Variants in PLB1 observed in about 807,000 individuals in gnomAD.
The protein encoded by PLB1 is phospholipase B1.
Under a neutral mutation model 227.4 loss-of-function variants are expected in PLB1, and 242 were observed. That is an observed-to-expected ratio of 1.06 (90% CI 0.96 to 1.18). The LOEUF (loss-of-function observed/expected upper bound fraction) is 1.18, where lower values mean the gene tolerates loss of function less well. PLB1 is among the 50% of genes most tolerant of loss of function. The pLI, the probability that PLB1 is intolerant of heterozygous loss-of-function variation, is 0.00. For missense variants in PLB1, 1,858 were observed against 1,816.3 expected (o/e 1.02, Z -0.42); for synonymous variants, 757 against 682.2 (o/e 1.11, Z -1.71).
At chr2:28,531,979 T>C in intron 8 of PLB1, 129 bp from the exon 9 acceptor site, 3 of 697,078 alleles carry the variant, frequency 4.3e-6, no homozygotes, top group African/African-American at 1.8e-5. Context: ...TATACTACTA[T>C]TGAAAAAAAT....
At chr2:28,515,627 A>T (rs922220754) in intron 1 of PLB1, among the ~76,000 whole-genome samples, 9 of 152,220 alleles carry the variant, frequency 5.9e-5, no homozygotes, top group African/African-American at 1.4e-4. Context: ...CTAATAAATT[A>T]TTTTCAGGGT....
rs1558821801 is a variant in PLB1, at chr2:28,581,502, T to TAA, written c.1567-564_1567-563dup. On this transcript the variant is annotated intron_variant, in intron 23 of 57. Coordinates refer to ENST00000327757, the MANE Select transcript of PLB1 (RefSeq NM_153021.5). The stretch of plus-strand genomic sequence containing the variant: ...CCACGCAAAAAAATAAATAAATAAA[T>TAA]AAATAAATAAATAAATAAATAAATA... 1.0e-3 allele frequency among the ~76,000 whole-genome samples: 94 copies of TAA among 93,886 alleles called. 2 individuals are homozygous for TAA. Among genetic ancestry groups the TAA allele is most frequent in the African/African-American group, 4.4e-3 (83 of 18,698 alleles). The allele number at this position is 93,886 out of a possible 152,430, so 61.6% of individuals were successfully genotyped here. A position where few individuals can be genotyped will look rare whatever the true frequency, so the allele number is the denominator to read the frequency against.
chr2:28,603,394 A>T (rs1468807460), intron 39 of PLB1, among the ~76,000 whole-genome samples: 1 of 152,196 alleles, frequency 6.6e-6, no homozygotes, highest in East Asian at 1.9e-4. Context: ...TGTGTGTTTT[A>T]TTATTCTTTA....
intron 26 of PLB1, among the ~76,000 whole-genome samples, chr2:28,586,480 C>T (rs942637797): frequency 3.9e-5 from 6 of 152,284 alleles, no homozygotes; most frequent in Non-Finnish European, 7.4e-5. Flanking sequence ...AAAAGTTTCT[C>T]CCCAACAAGC....
chr2:28,508,988 C>G (rs1667934917), intron 1 of PLB1, among the ~76,000 whole-genome samples: 1 of 152,224 alleles, frequency 6.6e-6, no homozygotes, highest in South Asian at 2.1e-4. Context: ...GTATGGCCCT[C>G]TCTCACTTAC....
intron 4 of PLB1, among the ~76,000 whole-genome samples, chr2:28,522,651 G>C (rs1333253728): frequency 6.6e-6 from 1 of 152,112 alleles, no homozygotes; most frequent in East Asian, 1.9e-4. Context: ...TGCACTCCTT[G>C]GTCTCATCTC....
chr2:28,536,535 G>C (rs1298085006), intron 9 of PLB1, among the ~76,000 whole-genome samples: 1 of 152,162 alleles, frequency 6.6e-6, no homozygotes, highest in Non-Finnish European at 1.5e-5. Context: ...AAACCTAAAC[G>C]TGTTTCTAGT....
Position 28,566,979 on chromosome 2 carries a change from G to A in PLB1, c.1324+140G>A, listed in dbSNP as rs897310192. On this transcript the variant is annotated intron_variant, in intron 20 of 57. Coordinates refer to ENST00000327757, the MANE Select transcript of PLB1 (RefSeq NM_153021.5). Reference sequence around the variant, plus strand: ...AATTCACCAGGGGGCGCTGCCTCCCGAGACTGCCGCCCAGCTCCGCTTCCG... The same window carrying A: ...AATTCACCAGGGGGCGCTGCCTCCCAAGACTGCCGCCCAGCTCCGCTTCCG... 35 of 864,714 alleles carry A rather than the reference G, an allele frequency of 4.0e-5. No homozygotes were observed. In the Middle Eastern group the frequency reaches 2.3e-3, roughly 57 times the overall value. 53.6% of individuals were successfully genotyped at this position (864,714 alleles called of 1,614,324 possible).
At chr2:28,641,307 A>C (rs1056892526) in intron 57 of PLB1, among the ~76,000 whole-genome samples, 1 of 152,154 alleles carries the variant, frequency 6.6e-6, no homozygotes, top group African/African-American at 2.4e-5. Context: ...ATGCATCCTC[A>C]GTCTTAAAAG....
chr2:28,625,215 G>C, intron 50 of PLB1, 107 bp downstream of exon 50: 1 of 1,080,498 alleles, frequency 9.3e-7, no homozygotes, highest in Non-Finnish European at 1.4e-6. Flanking sequence ...CCTGCTTTGG[G>C]CTAGCCAAAA....
Position 28,641,041 on chromosome 2 carries a change from C to T in PLB1, c.4173+40C>T, listed in dbSNP as rs774485625. ...TGCCTGCCCCAGGTGGAACAGATGC[C>T]TGGGGTGGGGGTTGTCCTGTCCCCT... On this transcript the variant is annotated intron_variant, in intron 57 of 57. Transcript: ENST00000327757. 2.5e-6 allele frequency: 4 copies of T among 1,591,720 alleles called. No individual in the cohort carries two copies. The South Asian group carries it at 3.4e-5, about 13-fold the overall frequency.
At position 28,566,572 on chromosome 2, in the gene PLB1, C is replaced by T. The variant is rs891566313; in HGVS notation, c.1281-224C>T. The T allele has an allele frequency of 6.3e-5, 33 of 521,598 alleles. 1 individual carries two copies. Among genetic ancestry groups the T allele is most frequent in the Middle Eastern group, 3.9e-4 (1 of 2,534 alleles). 32.3% of individuals were successfully genotyped at this position (521,598 alleles called of 1,614,324 possible). A position where few individuals can be genotyped will look rare whatever the true frequency, so the allele number is the denominator to read the frequency against. On this transcript the variant is annotated intron_variant, in intron 19 of 57. Coordinates refer to ENST00000327757, the MANE Select transcript of PLB1 (RefSeq NM_153021.5). ...TTCCCCAACATCAGCGAAAATCAGC[C>T]GCTGGTTTAAAGCTGGCGTTTTGTT...
rs1382261805 is a variant in PLB1, at chr2:28,518,524, C to T, written c.176C>T (p.Ser59Phe). ...AATAAATTAGGAGTGAATATGCCTT[C>T]TAAATCAGGTATGTAACCCTTGGCC... is the stretch of plus-strand genomic sequence containing the variant. ...NPNKLGVNMP[S>F]KSVHSLKPSD... Residue 59 changes from serine to phenylalanine, a missense_variant, in exon 3 of 58, where the codon TCT (serine) becomes TTT (phenylalanine). By Grantham distance (155) the Ser-to-Phe change is radical. Transcript: ENST00000327757. 16 of 1,611,156 alleles carry T rather than the reference C, an allele frequency of 9.9e-6. No individual in the cohort carries two copies. The highest frequency in any genetic ancestry group is 1.7e-5 in the Admixed American group (1 of 59,996).
In PLB1 at chr2:28,543,214, G is replaced by A. The variant is rs763264292; in HGVS notation, c.882G>A (p.Glu294=). 1.9e-6 allele frequency: 3 copies of A among 1,609,760 alleles called. No homozygotes were observed. The South Asian group carries it at 3.3e-5, about 18-fold the overall frequency. The part of the protein sequence containing the change: ...FYETTPSLHS[E]DPRLQDSTTL... ...GCTGTCAACTGGTTCTCTTTTAGGA[G>A]GACCCCCGACTCCAGGATTCTACCA... is the stretch of plus-strand genomic sequence containing the variant. The change falls in exon 14 of 58, where the codon GAG becomes GAA. Residue 294 remains glutamate (E), a splice_region_variant and synonymous_variant. Transcript: ENST00000327757.
In PLB1 at chr2:28,635,211, TATAC is replaced by T. The variant is rs559820464; in HGVS notation, c.4098+2174_4098+2177del. The stretch of plus-strand genomic sequence containing the variant: ...AGGCTCTATAATTTGGGGAAATAAT[TATAC>T]AGTCTAATGTTTTCATCCAAAGCCA... On this transcript the variant is annotated intron_variant, in intron 56 of 57. Coordinates refer to ENST00000327757, the MANE Select transcript of PLB1 (RefSeq NM_153021.5). Among the ~76,000 whole-genome samples, 5 of 152,296 alleles carry T rather than the reference TATAC, an allele frequency of 3.3e-5. No individual in the cohort carries two copies. The South Asian group carries it at 1.0e-3, about 32-fold the overall frequency.
chr2:28,629,958 T>A (rs1688363553), intron 53 of PLB1, among the ~76,000 whole-genome samples: 1 of 152,162 alleles, frequency 6.6e-6, no homozygotes, highest in Non-Finnish European at 1.5e-5. Context: ...ATGGATTTGC[T>A]GCAAAGGTGA....
chr2:28,532,808 G>C (rs191350877), intron 9 of PLB1, among the ~76,000 whole-genome samples: 1 of 152,198 alleles, frequency 6.6e-6, no homozygotes, highest in African/African-American at 2.4e-5. Context: ...GAAGTAGACT[G>C]TATCTTCCAA....
chr2:28,496,284 A>G, intron 1 of PLB1, 115 bp downstream of exon 1: 1 of 1,047,886 alleles, frequency 9.5e-7, no homozygotes, highest in South Asian at 1.5e-5. Flanking sequence ...ATAAAGCACA[A>G]AGCGTACAGT....
chr2:28,507,193 A>T (rs972418963), intron 1 of PLB1, among the ~76,000 whole-genome samples: 2 of 152,164 alleles, frequency 1.3e-5, no homozygotes, highest in Non-Finnish European at 2.9e-5. Context: ...CGTCTTCACC[A>T]TGGGACTGTC....
Sources: allele counts gnomAD v4.1 joint callset (sites outside exome capture counted in the v4.1 genomes callset), GRCh38; gene constraint gnomAD v4.1.1; transcripts MANE v1.5; gene names NCBI Gene and HGNC (gene_info 2026-07-23, HGNC 2026-07-21).